Variants in LAP3 observed in about 807,000 individuals in gnomAD.
The protein encoded by LAP3 is leucine aminopeptidase 3, also known as cytosol aminopeptidase.
A neutral mutation model predicts 58.8 loss-of-function variants in LAP3; 46 were observed. The ratio of observed to expected loss-of-function variants is 0.78; its 90% CI spans 0.62 to 1.00. The LOEUF (loss-of-function observed/expected upper bound fraction) is 1.00. Ranked by LOEUF, LAP3 falls within the 50% of genes least tolerant of loss-of-function variation. The pLI is 0.00. For synonymous variants in LAP3, 257 were observed against 237.7 expected, an observed-to-expected ratio of 1.08 and a Z score of -0.75; for missense variants, 615 against 659.1, an observed-to-expected ratio of 0.93 and a Z score of 0.73.
At chr4:17,595,180 A>G (rs1713798260) in intron 7 of LAP3, among the ~76,000 whole-genome samples, 1 of 150,326 alleles carries the variant, frequency 6.7e-6, no homozygotes. Context: ...CTGGGACTAC[A>G]GGCGCCCACC....
intron 5 of LAP3, among the ~76,000 whole-genome samples, chr4:17,583,961 T>C (rs1226029085): frequency 5.3e-5 from 8 of 152,234 alleles, no homozygotes; most frequent in Non-Finnish European, 1.0e-4. Flanking sequence ...ACCCAGATAA[T>C]GTTCATTCAT....
Position 17,606,948 on chromosome 4 carries a change from C to T in LAP3, c.1370+10C>T, listed in dbSNP as rs1714156628. The stretch of plus-strand genomic sequence containing the variant: ...ACATTGGAAAATACAGGTATGTAAG[C>T]TAAGCTAAATGTACATTTATACAAT... On this transcript the variant is annotated intron_variant, in intron 12 of 12. Transcript: ENST00000226299. 3.3e-6 allele frequency: 5 copies of T among 1,533,532 alleles called. No homozygotes were observed. The Middle Eastern group carries it at 5.1e-4, about 156-fold the overall frequency. The allele number at this position is 1,533,532 out of a possible 1,614,324, so 95.0% of individuals were successfully genotyped here. A position where few individuals can be genotyped will look rare whatever the true frequency, so the allele number is the denominator to read the frequency against.
intron 6 of LAP3, chr4:17,585,481 G>A (rs1245700130): frequency 1.8e-5 from 3 of 166,514 alleles, no homozygotes; most frequent in South Asian, 2.5e-4. Context: ...CTGTTGCCCA[G>A]GCTGGAGGGC....
At chr4:17,600,382 T>G (rs28558603) in intron 10 of LAP3, among the ~76,000 whole-genome samples, 3,602 of 151,062 alleles carry the variant, frequency 0.024, 142 homozygotes, top group African/African-American at 0.083. Context: ...TAGCAAACAC[T>G]TTACCTGAAA....
chr4:17,592,303 C>G (rs910357260), intron 7 of LAP3, among the ~76,000 whole-genome samples: 4 of 151,382 alleles, frequency 2.6e-5, no homozygotes, highest in African/African-American at 9.7e-5. Flanking sequence ...TTAGTTTTGC[C>G]TATTCCGGAA....
rs55676326 is a variant in LAP3 at position 17,593,609 on chromosome 4, G to GTT, written c.864-1782_864-1781dup. 8.8e-3 allele frequency among the ~76,000 whole-genome samples: 771 copies of GTT among 87,532 alleles called. 53 individuals carry two copies. Among genetic ancestry groups the GTT allele is most frequent in the South Asian group, 0.035 (84 of 2,372 alleles). The allele number at this position is 87,532 out of a possible 152,430, so 57.4% of individuals were successfully genotyped here. A position where few individuals can be genotyped will look rare whatever the true frequency, so the allele number is the denominator to read the frequency against. ...CATATACATTTTAGAATCTGCTTGG[G>GTT]TTTTTTTTTTTTTTTTTTTTGAGAC... On this transcript the variant is annotated intron_variant, in intron 7 of 12. Transcript: ENST00000226299.
chr4:17,606,430 C>T (rs1006246321), intron 11 of LAP3, among the ~76,000 whole-genome samples: 10 of 152,184 alleles, frequency 6.6e-5, no homozygotes, highest in African/African-American at 2.4e-4. Flanking sequence ...CCTCCCCGTC[C>T]TGGGTTCAAG....
chr4:17,581,497 G>T (rs146684887), intron 2 of LAP3, among the ~76,000 whole-genome samples: 1 of 151,972 alleles, frequency 6.6e-6, no homozygotes, highest in Admixed American at 6.6e-5. Context: ...CTAGCACCTC[G>T]GGAGGCTGAG....
Position 17,584,971 on chromosome 4 carries a change from G to T in LAP3, c.540-1G>T. On this transcript the variant is annotated splice_acceptor_variant, in intron 5 of 12. Transcript: ENST00000226299. LOFTEE classifies it high-confidence loss of function. ...CAGTCACTTTATCTTTCTTCTGCCA[G>T]TGGGGATCAGGAGGCCTGGCAGAAA... 6.2e-7 allele frequency: 1 copy of T among 1,613,554 alleles called. No individual in the cohort carries two copies. The highest frequency in any genetic ancestry group is 8.5e-7 in the Non-Finnish European group (1 of 1,179,774).
In LAP3 at chr4:17,591,235, C is replaced by T. The variant is rs192421142; in HGVS notation, c.863+2258C>T. On this transcript the variant is annotated intron_variant, in intron 7 of 12. Coordinates refer to ENST00000226299, the MANE Select transcript of LAP3 (RefSeq NM_015907.3). Reference sequence around the variant, plus strand: ...GGGATTACAGGTGCCTGCTACCACTCCTGGCTAATTTTTTTTGTATTTTTA... The same window carrying T: ...GGGATTACAGGTGCCTGCTACCACTTCTGGCTAATTTTTTTTGTATTTTTA... Among the ~76,000 whole-genome samples the T allele has an allele frequency of 1.6e-4, 25 of 152,104 alleles. No homozygotes were observed. The East Asian group carries it at 4.5e-3, about 27-fold the overall frequency.
chr4:17,595,620 A>C, intron 8 of LAP3, 86 bp downstream of exon 8: 1 of 1,415,108 alleles, frequency 7.1e-7, no homozygotes, highest in Non-Finnish European at 9.8e-7. Flanking sequence ...GATTTCCCCT[A>C]ATCTGAAAAG....
chr4:17,607,017 A>G (rs1448523396), intron 12 of LAP3, 79 bp downstream of exon 12: 1 of 875,140 alleles, frequency 1.1e-6, no homozygotes, highest in East Asian at 2.5e-5. Flanking sequence ...TTATCCCCTT[A>G]TATAAAAGGT....
At chr4:17,587,042 G>T (rs1451291966) in intron 6 of LAP3, among the ~76,000 whole-genome samples, 1 of 152,202 alleles carries the variant, frequency 6.6e-6, no homozygotes, top group Non-Finnish European at 1.5e-5. Context: ...GGAGATGGAG[G>T]TTGCAGTGAG....
chr4:17,606,302 A>G (rs1714137395), intron 11 of LAP3, among the ~76,000 whole-genome samples: 1 of 152,142 alleles, frequency 6.6e-6, no homozygotes, highest in African/African-American at 2.4e-5. Flanking sequence ...AGATTTGTGA[A>G]ATTGCTTCAC....
At chr4:17,604,263 C>A in intron 10 of LAP3, among the ~76,000 whole-genome samples, 2 of 130,356 alleles carry the variant, frequency 1.5e-5, no homozygotes, top group African/African-American at 3.4e-5. Flanking sequence ...GTGAGTGAGA[C>A]CTTTCTCAAA....
chr4:17,600,535 T>C (rs1713957115), intron 10 of LAP3, among the ~76,000 whole-genome samples: 1 of 152,152 alleles, frequency 6.6e-6, no homozygotes, highest in African/African-American at 2.4e-5. Flanking sequence ...TAATTACCAC[T>C]TGGGGAATAC....
intron 7 of LAP3, among the ~76,000 whole-genome samples, chr4:17,590,450 T>C (rs1193002225): frequency 6.6e-6 from 1 of 152,174 alleles, no homozygotes; most frequent in African/African-American, 2.4e-5. Context: ...AAAGCATTGA[T>C]CTCCAAATGG....
chr4:17,600,782 C>T (rs538639893), intron 10 of LAP3, among the ~76,000 whole-genome samples: 51 of 152,288 alleles, frequency 3.3e-4, no homozygotes, highest in African/African-American at 1.2e-3. Flanking sequence ...GGAGGAAGTA[C>T]ACAGTCTTCA....
chr4:17,607,679 G>T lies in LAP3; in HGVS notation c.*90G>T. The T allele has an allele frequency of 1.0e-6, 1 of 972,984 alleles. No individual in the cohort carries two copies. The highest frequency in any genetic ancestry group is 1.5e-6 in the Non-Finnish European group (1 of 676,440). The allele number at this position is 972,984 out of a possible 1,614,324, so 60.3% of individuals were successfully genotyped here. ...AATAAATGGATGAAAATCTTTTAACGGAGACAAAGGATGGTATTTAAAAAT... is the reference window on the plus strand; with the variant it reads ...AATAAATGGATGAAAATCTTTTAACTGAGACAAAGGATGGTATTTAAAAAT... On this transcript the variant is annotated 3_prime_UTR_variant, in exon 13 of 13. Coordinates refer to ENST00000226299, the MANE Select transcript of LAP3 (RefSeq NM_015907.3).
Sources: gnomAD v4.1 joint callset for allele counts (sites outside exome capture counted in the v4.1 genomes callset) on GRCh38, gnomAD v4.1.1 for gene constraint, MANE v1.5 for transcripts, NCBI Gene and HGNC (gene_info 2026-07-23, HGNC 2026-07-21) for gene names.